The following HDAC9 variants were observed in gnomAD, a reference collection of about 807,000 sequenced individuals.
HDAC9 encodes MEF-2 interacting transcription repressor (MITR) protein.
In HDAC9, 41 loss-of-function variants were observed where a neutral mutation model predicts 139.4. The ratio of observed to expected loss-of-function variants is 0.29; its 90% CI spans 0.23 to 0.38. The LOEUF (loss-of-function observed/expected upper bound fraction) is 0.38. Among genes scored for constraint, HDAC9 ranks in the 10% least tolerant of loss-of-function variants. HDAC9 has a pLI of 1.00. For synonymous variants in HDAC9, 517 were observed against 476.2 expected (o/e 1.09, Z -1.12); for missense variants, 1,147 against 1,297.0 (o/e 0.88, Z 1.78).
chr7:18,914,365 C>A (rs1453764684), intron 22 of HDAC9, among the ~76,000 whole-genome samples: 1 of 151,722 alleles, frequency 6.6e-6, no homozygotes, highest in Non-Finnish European at 1.5e-5. Flanking sequence ...TTCAGGTTTT[C>A]AATGTGGAAG....
rs542776135 is a variant in HDAC9, at chr7:18,411,911, C to T, written c.-41-84351C>T. Among the ~76,000 whole-genome samples the T allele has an allele frequency of 5.3e-5, 8 of 150,054 alleles. No homozygotes were observed. The South Asian group carries it at 1.7e-3, about 32-fold the overall frequency. On this transcript the variant is annotated intron_variant, in intron 1 of 3. Transcript: ENST00000413509. Reference sequence around the variant, plus strand: ...CATGTTCTCACCTCACTGCATCCTCCACCTCCCGGGTTCAGGTGATTCTTC... The same window carrying T: ...CATGTTCTCACCTCACTGCATCCTCTACCTCCCGGGTTCAGGTGATTCTTC...
chr7:18,713,029 T>A (rs1784454231), intron 12 of HDAC9, among the ~76,000 whole-genome samples: 1 of 152,210 alleles, frequency 6.6e-6, no homozygotes, highest in Non-Finnish European at 1.5e-5. Context: ...TATCCATTTG[T>A]TCTTTGTTCC....
chr7:18,733,871 C>G (rs924996561), intron 13 of HDAC9, among the ~76,000 whole-genome samples: 1 of 152,010 alleles, frequency 6.6e-6, no homozygotes, highest in East Asian at 1.9e-4. Flanking sequence ...TGAGGCCAAC[C>G]TGATATGCGT....
At chr7:18,337,806 C>T (rs948211529) in intron 1 of HDAC9, among the ~76,000 whole-genome samples, 2 of 151,884 alleles carry the variant, frequency 1.3e-5, no homozygotes, top group South Asian at 2.1e-4. Flanking sequence ...AGCTATCTTT[C>T]TGAAAATTGA....
At chr7:18,933,668 C>A (rs796390321) in intron 22 of HDAC9, among the ~76,000 whole-genome samples, 12 of 152,048 alleles carry the variant, frequency 7.9e-5, no homozygotes, top group African/African-American at 2.9e-4. Flanking sequence ...ATAATTAAGG[C>A]AGCATGAACA....
Position 18,644,692 on chromosome 7 carries a change from A to T in HDAC9, c.934A>T (p.Ile312Phe). The change falls in exon 9 of 26, where the codon ATT becomes TTT. Residue 312 changes from isoleucine (I) to phenylalanine (F), a missense_variant. Coordinates refer to ENST00000686413, the MANE Select transcript of HDAC9 (RefSeq NM_178425.4). ...ACAGCAAATGGTTTCACAGCAACGC[A>T]TTCTAATTCATGAAGATTCCATGAA... ...HAEQMVSQQR[I>F]LIHEDSMNLL... The T allele has an allele frequency of 6.2e-7, 1 of 1,611,618 alleles. No individual in the cohort carries two copies. Among genetic ancestry groups the T allele is most frequent in the Admixed American group, 1.7e-5 (1 of 59,718 alleles).
chr7:18,837,625 G>A (rs573006913), intron 21 of HDAC9, among the ~76,000 whole-genome samples: 41 of 151,882 alleles, frequency 2.7e-4, no homozygotes, highest in Admixed American at 1.6e-3. Flanking sequence ...TTAAATTATC[G>A]TAATTCCATT....
intron 1 of HDAC9, among the ~76,000 whole-genome samples, chr7:18,107,466 A>C (rs1455494794): frequency 6.6e-6 from 1 of 152,140 alleles, no homozygotes; most frequent in Non-Finnish European, 1.5e-5. Context: ...GAAATGCCTA[A>C]TTAGATGGCT....
chr7:18,409,534 C>T (rs1194042762), intron 1 of HDAC9, among the ~76,000 whole-genome samples: 3 of 152,140 alleles, frequency 2.0e-5, no homozygotes, highest in Non-Finnish European at 4.4e-5. Flanking sequence ...CTTCCCAACC[C>T]TCAGAAACTG....
chr7:18,766,677 T>A (rs1789856846), intron 15 of HDAC9, among the ~76,000 whole-genome samples: 1 of 152,160 alleles, frequency 6.6e-6, no homozygotes, highest in Admixed American at 6.6e-5. Context: ...AAATATTTTT[T>A]AAATGACAGT....
At chr7:18,637,173 C>T (rs1669722973) in intron 8 of HDAC9, among the ~76,000 whole-genome samples, 3 of 151,630 alleles carry the variant, frequency 2.0e-5, no homozygotes, top group African/African-American at 7.3e-5. Flanking sequence ...TTTTAAGAGG[C>T]GAGAGAGTGA....
chr7:18,704,945 T>C (rs935218981), intron 12 of HDAC9, among the ~76,000 whole-genome samples: 4 of 152,236 alleles, frequency 2.6e-5, no homozygotes, highest in Non-Finnish European at 4.4e-5. Context: ...GGAAATGATA[T>C]ACATCAGTAC....
chr7:18,547,360 C>T (rs959184432), intron 2 of HDAC9, among the ~76,000 whole-genome samples: 1 of 152,152 alleles, frequency 6.6e-6, no homozygotes, highest in Non-Finnish European at 1.5e-5. Flanking sequence ...CTCAGCCTCC[C>T]GAGTAGCTGG....
At chr7:18,812,394 G>A (rs1476117517) in intron 17 of HDAC9, among the ~76,000 whole-genome samples, 1 of 151,542 alleles carries the variant, frequency 6.6e-6, no homozygotes, top group African/African-American at 2.4e-5. Flanking sequence ...CTTATCTTTT[G>A]TTTATAAGAA....
At chr7:18,124,150 A>G (rs1233440445) in intron 1 of HDAC9, among the ~76,000 whole-genome samples, 3 of 152,110 alleles carry the variant, frequency 2.0e-5, no homozygotes, top group Non-Finnish European at 2.9e-5. Context: ...AGTATAGTTC[A>G]CCTTCGGGGG....
chr7:18,910,513 CCCATGTGAAT>C (rs1585289662), intron 22 of HDAC9, among the ~76,000 whole-genome samples: 2 of 151,996 alleles, frequency 1.3e-5, no homozygotes, highest in East Asian at 3.9e-4. Flanking sequence ...TTTCTCCTTT[CCCATGTGAAT>C]GCCTTTTATG....
intron 17 of HDAC9, among the ~76,000 whole-genome samples, chr7:18,822,114 C>G (rs1240900450): frequency 6.6e-6 from 1 of 152,132 alleles, no homozygotes; most frequent in African/African-American, 2.4e-5. Context: ...CAAGATTGAT[C>G]AAATTATTGG....
intron 22 of HDAC9, among the ~76,000 whole-genome samples, chr7:18,880,627 A>T (rs1163584316): frequency 6.6e-6 from 1 of 152,082 alleles, no homozygotes; most frequent in Non-Finnish European, 1.5e-5. Flanking sequence ...AGAGAAGGAA[A>T]TAACAGATAC....
At chr7:18,544,022 A>T (rs1244788384) in intron 2 of HDAC9, among the ~76,000 whole-genome samples, 3 of 152,198 alleles carry the variant, frequency 2.0e-5, no homozygotes, top group Non-Finnish European at 4.4e-5. Flanking sequence ...ATTTTAATTT[A>T]AGTGTGTAGA....
Sources: allele counts gnomAD v4.1 joint callset (sites outside exome capture counted in the v4.1 genomes callset), GRCh38; gene constraint gnomAD v4.1.1; transcripts MANE v1.5; gene names NCBI Gene and HGNC (gene_info 2026-07-23, HGNC 2026-07-21).